PTGFRN: variants seen among roughly 807,000 people sequenced by gnomAD.
PTGFRN encodes prostaglandin F2 receptor negative regulator.
PTGFRN carries 35 observed loss-of-function variants against 83.2 expected under a neutral mutation model. The ratio of observed to expected loss-of-function variants is 0.42; its 90% CI spans 0.32 to 0.56. The LOEUF is 0.56. Ranked by LOEUF, PTGFRN falls within the 20% of genes least tolerant of loss-of-function variation. The pLI, the probability that PTGFRN is intolerant of heterozygous loss-of-function variation, is 0.11. For synonymous variants in PTGFRN, 519 were observed against 498.6 expected (o/e 1.04, Z -0.55); for missense variants, 1,051 against 1,179.5 (o/e 0.89, Z 1.60).
At chr1:116,946,101 T>C (rs1650194980) in intron 3 of PTGFRN, among the ~76,000 whole-genome samples, 1 of 152,176 alleles carries the variant, frequency 6.6e-6, no homozygotes, top group East Asian at 1.9e-4. Flanking sequence ...GCCTTCTGTT[T>C]TTTAAACTGG....
rs1479430316 is a variant in PTGFRN, at chr1:116,984,894, C to T, written c.2382C>T (p.Ser794=). The stretch of plus-strand genomic sequence containing the variant: ...AGGACTTTGGCAACTACTACTGTTC[C>T]GTGACTCCATGGGTGAAGTCACCAA... ...EDQDFGNYYC[S]VTPWVKSPTG... The change falls in exon 8 of 9, where the codon TCC becomes TCT. Residue 794 remains serine (S), a synonymous_variant. Coordinates refer to ENST00000393203, the MANE Select transcript of PTGFRN (RefSeq NM_020440.4). 12 of 1,614,030 alleles carry T rather than the reference C, an allele frequency of 7.4e-6. No individual in the cohort carries two copies. The highest frequency in any genetic ancestry group is 2.7e-5 in the African/African-American group (2 of 74,912).
intron 1 of PTGFRN, among the ~76,000 whole-genome samples, chr1:116,934,812 C>CGT (rs1316726075): frequency 6.6e-6 from 1 of 151,988 alleles, no homozygotes; most frequent in Admixed American, 6.5e-5. Flanking sequence ...TACTTTTTTC[C>CGT]TAACAGGCCA....
chr1:116,921,662 A>G (rs536197894), intron 1 of PTGFRN, among the ~76,000 whole-genome samples: 17 of 152,080 alleles, frequency 1.1e-4, no homozygotes, highest in Admixed American at 2.0e-4. Flanking sequence ...CGCAGCATTA[A>G]GGGAATATTG....
chr1:116,974,912 G>A (rs1453263057), intron 7 of PTGFRN, among the ~76,000 whole-genome samples: 4 of 152,192 alleles, frequency 2.6e-5, no homozygotes, highest in South Asian at 2.1e-4. Context: ...AGCGTGAGCC[G>A]AAGCAGGGCA....
chr1:116,928,711 G>C (rs1199433614), intron 1 of PTGFRN, among the ~76,000 whole-genome samples: 1 of 151,954 alleles, frequency 6.6e-6, no homozygotes, highest in African/African-American at 2.4e-5. Flanking sequence ...ACCTTTGTCA[G>C]GATCTTTAGC....
intron 7 of PTGFRN, among the ~76,000 whole-genome samples, chr1:116,975,340 C>T (rs1293142718): frequency 2.0e-5 from 3 of 152,230 alleles, no homozygotes; most frequent in Non-Finnish European, 4.4e-5. Flanking sequence ...CCTCTGCAGA[C>T]TTAAATGTCC....
intron 1 of PTGFRN, among the ~76,000 whole-genome samples, chr1:116,929,406 A>G (rs1649738332): frequency 6.6e-6 from 1 of 152,176 alleles, no homozygotes; most frequent in Non-Finnish European, 1.5e-5. Context: ...TGAAATTTCT[A>G]CAAAGAAAGT....
At chr1:116,955,085 T>G (rs1650450382) in intron 4 of PTGFRN, among the ~76,000 whole-genome samples, 1 of 152,238 alleles carries the variant, frequency 6.6e-6, no homozygotes, top group Non-Finnish European at 1.5e-5. Flanking sequence ...TAGCCAGTGA[T>G]TCTGAAGGCT....
intron 1 of PTGFRN, among the ~76,000 whole-genome samples, chr1:116,911,237 C>T (rs977751144): frequency 1.3e-5 from 2 of 152,180 alleles, no homozygotes; most frequent in African/African-American, 4.8e-5. Context: ...CAAGATGATT[C>T]CTGTGACCTG....
At position 116,967,202 on chromosome 1, in the gene PTGFRN, A is replaced by G. The variant is rs542446160; in HGVS notation, c.1931A>G (p.Gln644Arg). Reference protein sequence around the residue: ...QEDEFRYRMYQTQVSDAGLYR... With the variant: ...QEDEFRYRMYRTQVSDAGLYR... Reference sequence around the variant, plus strand: ...GATGAGTTCCGCTATCGAATGTACCAGACTCAGGTCTCAGACGCAGGGCTG... The same window carrying G: ...GATGAGTTCCGCTATCGAATGTACCGGACTCAGGTCTCAGACGCAGGGCTG... Residue 644 changes from glutamine to arginine, a missense_variant, in exon 6 of 9, where the codon CAG becomes CGG. By Grantham distance (43) the Gln-to-Arg change is conservative. Transcript: ENST00000393203. The G allele has an allele frequency of 2.2e-5, 36 of 1,614,230 alleles. No homozygotes were observed. The East Asian group carries it at 7.4e-4, about 33-fold the overall frequency.
rs1425992995 is a variant in PTGFRN at position 116,918,599 on chromosome 1, C to A, written c.49+8347C>A. 6.6e-6 allele frequency among the ~76,000 whole-genome samples: 1 copy of A among 152,152 alleles called. No homozygotes were observed. The highest frequency in any genetic ancestry group is 6.5e-5 in the Admixed American group (1 of 15,278). ...TTTGGCATACAAATTACTTGGTAGT[C>A]TGGGCTTTCTCAGTGGGACTGAGGC... On this transcript the variant is annotated intron_variant, in intron 1 of 8. Transcript: ENST00000393203. This position sits in a 1 kb window ranked among gnomAD's most constrained non-coding sequence, Gnocchi z 4.1.
At chr1:116,957,789 C>G (rs1452147430) in intron 4 of PTGFRN, among the ~76,000 whole-genome samples, 1 of 152,186 alleles carries the variant, frequency 6.6e-6, no homozygotes, top group Non-Finnish European at 1.5e-5. Flanking sequence ...CCCCCAGCCT[C>G]TGGTAATCAC....
At position 116,949,418 on chromosome 1, in the gene PTGFRN, A is replaced by G. The variant is rs763404041; in HGVS notation, c.1059A>G (p.Ala353=). The G allele has an allele frequency of 6.2e-7, 1 of 1,614,244 alleles. No homozygotes were observed. The highest frequency in any genetic ancestry group is 1.1e-5 in the South Asian group (1 of 91,088). Reference sequence around the variant, plus strand: ...ATGTTGCTTTGAGTCATGTGGATGCACGCTCCTACCATTTACTGGTTCGGG... The same window carrying G: ...ATGTTGCTTTGAGTCATGTGGATGCGCGCTCCTACCATTTACTGGTTCGGG... ...SPHVALSHVD[A]RSYHLLVRDV... is the part of the protein sequence containing the mutation. Residue 353 remains alanine (A), a synonymous_variant, in exon 4 of 9, where the codon GCA becomes GCG. Coordinates refer to ENST00000393203, the MANE Select transcript of PTGFRN (RefSeq NM_020440.4).
At chr1:116,940,296 G>A (rs992207760) in intron 1 of PTGFRN, among the ~76,000 whole-genome samples, 7 of 152,156 alleles carry the variant, frequency 4.6e-5, no homozygotes, top group African/African-American at 1.7e-4. Context: ...AGCTTCTGGT[G>A]GCTTGCTGGC....
At chr1:116,914,028 A>C (rs1649338744) in intron 1 of PTGFRN, among the ~76,000 whole-genome samples, 1 of 152,258 alleles carries the variant, frequency 6.6e-6, no homozygotes, top group African/African-American at 2.4e-5. Flanking sequence ...AAACTGCTCT[A>C]ACAAACTCAA....
intron 3 of PTGFRN, among the ~76,000 whole-genome samples, chr1:116,946,975 C>G (rs540803493): frequency 6.6e-6 from 1 of 152,322 alleles, no homozygotes; most frequent in South Asian, 2.1e-4. Context: ...GTTCCAGACA[C>G]AGGTAATACT....
At chr1:116,965,531 C>T (rs759470112) in intron 5 of PTGFRN, among the ~76,000 whole-genome samples, 3 of 152,128 alleles carry the variant, frequency 2.0e-5, no homozygotes, top group Admixed American at 6.5e-5. Flanking sequence ...GCAATCCTCT[C>T]GCCTCAGCCT....
intron 1 of PTGFRN, among the ~76,000 whole-genome samples, chr1:116,914,856 T>C (rs1420250035): frequency 6.6e-6 from 1 of 151,990 alleles, no homozygotes; most frequent in Non-Finnish European, 1.5e-5. Context: ...TGTTTTTTTT[T>C]CCTCATAGCT....
In PTGFRN at chr1:116,989,561, C is replaced by T. The variant is rs1459623265; in HGVS notation, c.*2594C>T. The T allele has an allele frequency of 2.0e-5, 3 of 152,510 alleles. No homozygotes were observed. Among genetic ancestry groups the T allele is most frequent in the Non-Finnish European group, 4.4e-5 (3 of 68,022 alleles). The allele number at this position is 152,510 out of a possible 1,614,324, so 9.4% of individuals were successfully genotyped here. On this transcript the variant is annotated 3_prime_UTR_variant, in exon 9 of 9. Transcript: ENST00000393203. ...GTCTCACACAGGTGGAATTGCACTT[C>T]TTAACAAAAAGGAACTTTATAAAAG...
Sources: allele counts gnomAD v4.1 joint callset (sites outside exome capture counted in the v4.1 genomes callset), GRCh38; gene constraint gnomAD v4.1.1; non-coding constraint Gnocchi (gnomAD v3.1); transcripts MANE v1.5; gene names NCBI Gene and HGNC (gene_info 2026-07-23, HGNC 2026-07-21).